GRIP1: variants seen among roughly 807,000 people sequenced by gnomAD.
GRIP1 encodes glutamate receptor-interacting protein 1.
In GRIP1, 45 loss-of-function variants were observed where a neutral mutation model predicts 129.9. The observed-to-expected ratio is 0.35, with a 90% CI of 0.27 to 0.44. The LOEUF is 0.44. Ranked by LOEUF, GRIP1 falls within the 20% of genes least tolerant of loss-of-function variation. The pLI, the probability that GRIP1 is intolerant of heterozygous loss-of-function variation, is 1.00. For missense variants in GRIP1, 1,196 were observed against 1,396.8 expected (o/e 0.86, Z 2.29); for synonymous variants, 530 against 520.8 (o/e 1.02, Z -0.24).
intron 5 of GRIP1, among the ~76,000 whole-genome samples, chr12:66,524,244 T>C (rs1450694338): frequency 1.3e-5 from 2 of 152,076 alleles, no homozygotes; most frequent in East Asian, 3.8e-4. Context: ...AGCACCACAC[T>C]GCACCTATTC....
chr12:66,796,293 G>A lies in GRIP1; in HGVS notation c.-420+7760C>T, dbSNP rs193261097. Among the ~76,000 whole-genome samples, 32 of 151,480 alleles carry A rather than the reference G, an allele frequency of 2.1e-4. No homozygotes were observed. The East Asian group carries it at 5.9e-3, about 28-fold the overall frequency. Reference sequence around the variant, plus strand: ...TAAATCTACATTTTTCCTATTCTGAGTGCATTATTCCTAGGAAAAAATGGA... The same window carrying A: ...TAAATCTACATTTTTCCTATTCTGAATGCATTATTCCTAGGAAAAAATGGA... On this transcript the variant is annotated intron_variant, in intron 1 of 4. Coordinates refer to the GRIP1 transcript ENST00000538373.
intron 1 of GRIP1, among the ~76,000 whole-genome samples, chr12:66,812,323 T>C (rs1328137746): frequency 1.3e-5 from 2 of 152,118 alleles, no homozygotes; most frequent in Non-Finnish European, 2.9e-5. Flanking sequence ...TTAGTAGAGA[T>C]GGGGTTTCAC....
At chr12:66,450,317 A>AG (rs1565750723) in intron 11 of GRIP1, among the ~76,000 whole-genome samples, 2 of 148,562 alleles carry the variant, frequency 1.3e-5, no homozygotes, top group Non-Finnish European at 3.0e-5. Context: ...AAAAAAAAAA[A>AG]AAAAAAAAAA....
chr12:66,539,243 G>A lies in GRIP1; in HGVS notation c.273-20C>T. Reference sequence around the variant, plus strand: ...TCACTTCTGCAAAATAGACAATGTTGTTTCAACAGACCCACCCTCTCCATA... The same window carrying A: ...TCACTTCTGCAAAATAGACAATGTTATTTCAACAGACCCACCCTCTCCATA... On this transcript the variant is annotated intron_variant, in intron 3 of 24. Transcript: ENST00000359742. The A allele has an allele frequency of 1.2e-6, 2 of 1,613,880 alleles. No homozygotes were observed. Among genetic ancestry groups the A allele is most frequent in the Non-Finnish European group, 1.7e-6 (2 of 1,179,856 alleles).
At chr12:66,985,924 A>C (rs2042304846) in intron 1 of GRIP1, among the ~76,000 whole-genome samples, 1 of 152,188 alleles carries the variant, frequency 6.6e-6, no homozygotes, top group South Asian at 2.1e-4. Flanking sequence ...AAAAGTACTT[A>C]GTAGTTTTGT....
At chr12:66,952,643 C>T (rs1305695384) in intron 1 of GRIP1, among the ~76,000 whole-genome samples, 1 of 152,106 alleles carries the variant, frequency 6.6e-6, no homozygotes, top group East Asian at 1.9e-4. Flanking sequence ...ATATGAATGG[C>T]AGAAAACACT....
chr12:66,435,921 AT>A (rs1300603374), intron 13 of GRIP1, among the ~76,000 whole-genome samples: 1 of 152,104 alleles, frequency 6.6e-6, no homozygotes, highest in Non-Finnish European at 1.5e-5. Flanking sequence ...TTTATTTTAT[AT>A]TTGTTATTTT....
intron 22 of GRIP1, among the ~76,000 whole-genome samples, chr12:66,376,381 T>C (rs557640933): frequency 4.5e-4 from 69 of 152,188 alleles, no homozygotes; most frequent in Non-Finnish European, 5.3e-4. Flanking sequence ...AATGAGACTT[T>C]TGCCACTTTA....
intron 1 of GRIP1, among the ~76,000 whole-genome samples, chr12:67,025,360 T>C (rs111244054): frequency 1.5e-3 from 232 of 151,098 alleles, no homozygotes; most frequent in Non-Finnish European, 2.0e-3. Flanking sequence ...CACACACACA[T>C]ACACACACAC....
intron 1 of GRIP1, among the ~76,000 whole-genome samples, chr12:66,742,108 C>A (rs530121896): frequency 3.3e-5 from 5 of 152,100 alleles, no homozygotes; most frequent in Non-Finnish European, 7.3e-5. Context: ...TATTTTCATA[C>A]CTCTTGCCTT....
rs775285319 is a variant in GRIP1 at position 66,463,081 on chromosome 12, C to A, written c.885G>T (p.Leu295Phe). ...TGGAGAGGATGTGATCTCCCACATG[C>A]AATGCGCCACATCTACGGAAAGGAG... is the stretch of plus-strand genomic sequence containing the variant. ...SASIADRCGA[L>F]HVGDHILSID... The change falls in exon 9 of 25, where the codon TTG becomes TTT. Residue 295 changes from leucine to phenylalanine, a missense_variant. By Grantham distance (22) the Leu-to-Phe change is conservative. Transcript: ENST00000359742. 6.2e-7 allele frequency: 1 copy of A among 1,613,844 alleles called. No homozygotes were observed. Among genetic ancestry groups the A allele is most frequent in the Admixed American group, 1.7e-5 (1 of 60,010 alleles).
chr12:66,815,882 T>TCTCTCTC (rs1566036838), intron 1 of GRIP1, among the ~76,000 whole-genome samples: 2 of 76,666 alleles, frequency 2.6e-5, no homozygotes, highest in African/African-American at 8.2e-5. Flanking sequence ...CTCTCTCTCT[T>TCTCTCTC]TCTTTCTTTC....
chr12:66,868,416 T>C (rs2137143702), intron 1 of GRIP1, among the ~76,000 whole-genome samples: 1 of 152,246 alleles, frequency 6.6e-6, no homozygotes, highest in South Asian at 2.1e-4. Context: ...CAACGAATCC[T>C]CTCAAAACTA....
intron 1 of GRIP1, among the ~76,000 whole-genome samples, chr12:66,928,759 T>G (rs988673030): frequency 6.6e-6 from 1 of 152,240 alleles, no homozygotes; most frequent in East Asian, 1.9e-4. Flanking sequence ...ATCTTAAAAA[T>G]GCAAGAGGAA....
At chr12:66,361,692 G>A (rs1165088262) in intron 23 of GRIP1, among the ~76,000 whole-genome samples, 2 of 152,166 alleles carry the variant, frequency 1.3e-5, no homozygotes, top group African/African-American at 4.8e-5. Context: ...GGGTGTCTTT[G>A]CTCAGGCCTG....
intron 1 of GRIP1, among the ~76,000 whole-genome samples, chr12:66,946,065 G>A (rs2137468072): frequency 6.6e-6 from 1 of 152,276 alleles, no homozygotes; most frequent in South Asian, 2.1e-4. Context: ...TTGGTGGTGA[G>A]CAAGAGAGGT....
At chr12:66,882,138 T>C (rs1670853335) in intron 1 of GRIP1, among the ~76,000 whole-genome samples, 1 of 149,728 alleles carries the variant, frequency 6.7e-6, no homozygotes, top group Admixed American at 6.7e-5. Flanking sequence ...CCTCTGTCAT[T>C]AAACATTCAA....
At chr12:66,844,110 A>T (rs1365032066) in intron 1 of GRIP1, among the ~76,000 whole-genome samples, 1 of 152,170 alleles carries the variant, frequency 6.6e-6, no homozygotes, top group East Asian at 1.9e-4. Flanking sequence ...CAACAACAAA[A>T]ATCAACCTGA....
At chr12:66,712,977 G>T (rs931122343) in intron 1 of GRIP1, among the ~76,000 whole-genome samples, 2 of 151,878 alleles carry the variant, frequency 1.3e-5, no homozygotes, top group South Asian at 2.1e-4. Flanking sequence ...TAGAACAAAT[G>T]GTGTCTAAAG....
Sources: gnomAD v4.1 joint callset for allele counts (sites outside exome capture counted in the v4.1 genomes callset) on GRCh38, gnomAD v4.1.1 for gene constraint, MANE v1.5 for transcripts, NCBI Gene and HGNC (gene_info 2026-07-23, HGNC 2026-07-21) for gene names.